GALNT18: variants seen among roughly 807,000 people sequenced by gnomAD.
The protein encoded by GALNT18 is polypeptide N-acetylgalactosaminyltransferase 18, also known as GalNAc-transferase 18.
GALNT18 carries 44 observed loss-of-function variants against 69.5 expected under a neutral mutation model. The ratio of observed to expected loss-of-function variants is 0.63; its 90% confidence interval spans 0.50 to 0.81. GALNT18 has a LOEUF of 0.81. Among genes scored for constraint, GALNT18 ranks in the 40% least tolerant of loss-of-function variants. GALNT18 has a pLI of 0.00. For missense variants in GALNT18, 715 were observed against 810.0 expected, an observed-to-expected ratio of 0.88 and a Z score of 1.42; for synonymous variants, 364 against 318.2, an observed-to-expected ratio of 1.14 and a Z score of -1.53.
intron 3 of GALNT18, among the ~76,000 whole-genome samples, chr11:11,390,940 C>T (rs1465863184): frequency 1.3e-5 from 2 of 152,218 alleles, no homozygotes; most frequent in Non-Finnish European, 2.9e-5. Context: ...CTATTTGGGT[C>T]GCTGTGGAAA....
Position 11,596,002 on chromosome 11 carries a change from G to A in GALNT18, c.235+25357C>T, listed in dbSNP as rs1859490421. 6.6e-6 allele frequency among the ~76,000 whole-genome samples: 1 copy of A among 152,038 alleles called. No individual in the cohort carries two copies. On this transcript the variant is annotated intron_variant, in intron 1 of 10. Coordinates refer to ENST00000227756, the MANE Select transcript of GALNT18 (RefSeq NM_198516.3). The surrounding 1 kb of genome is among the most constrained non-coding windows in gnomAD (Gnocchi z 4.2). Reference sequence around the variant, plus strand: ...AAGATTTAGGTTTGTCTTCTTCTAAGAGTTCTATGATTTTATCTCTTATAT... The same window carrying A: ...AAGATTTAGGTTTGTCTTCTTCTAAAAGTTCTATGATTTTATCTCTTATAT...
At chr11:11,406,357 C>T (rs1186401670) in intron 3 of GALNT18, among the ~76,000 whole-genome samples, 1 of 152,130 alleles carries the variant, frequency 6.6e-6, no homozygotes, top group Non-Finnish European at 1.5e-5. Context: ...TTTATTGTAC[C>T]TTTTCTGGTT....
At chr11:11,544,430 T>C (rs1857999219) in intron 1 of GALNT18, among the ~76,000 whole-genome samples, 1 of 152,264 alleles carries the variant, frequency 6.6e-6, no homozygotes, top group Admixed American at 6.5e-5. Flanking sequence ...ATATAATTTG[T>C]TTATTCAAAC....
intron 1 of GALNT18, among the ~76,000 whole-genome samples, chr11:11,481,889 T>C (rs1027096568): frequency 9.2e-5 from 14 of 152,172 alleles, no homozygotes; most frequent in Non-Finnish European, 2.1e-4. Context: ...TCAGGCCCCA[T>C]AGTATTGTTG....
At position 11,435,764 on chromosome 11, in the gene GALNT18, C is replaced by G. The variant is rs1402629969; in HGVS notation, c.429-2977G>C. Among the ~76,000 whole-genome samples, 1 of 152,142 alleles carries G rather than the reference C, an allele frequency of 6.6e-6. No homozygotes were observed. Among genetic ancestry groups the G allele is most frequent in the Non-Finnish European group, 1.5e-5 (1 of 68,036 alleles). On this transcript the variant is annotated intron_variant, in intron 2 of 10. Coordinates refer to ENST00000227756, the MANE Select transcript of GALNT18 (RefSeq NM_198516.3). The surrounding 1 kb of genome is among the most constrained non-coding windows in gnomAD (Gnocchi z 4.4). ...TGCTCCTTTTTCTTACAAACCTCCT[C>G]CCTTGGAAGGAGAGTCAGGTCCCGG...
rs571682253 is a variant in GALNT18, at chr11:11,377,187, T to C, written c.972A>G (p.Pro324=). The C allele has an allele frequency of 6.2e-7, 1 of 1,612,854 alleles. No homozygotes were observed. The highest frequency in any genetic ancestry group is 1.1e-5 in the South Asian group (1 of 91,010). The change falls in exon 5 of 11, where the codon CCA becomes CCG. Residue 324 remains proline (P), a synonymous_variant. Coordinates refer to ENST00000227756, the MANE Select transcript of GALNT18 (RefSeq NM_198516.3). This position sits in a 1 kb window ranked among gnomAD's most constrained non-coding sequence, Gnocchi z 4.6. The part of the protein sequence containing the change: ...AWWKLENSTA[P]IRSPALIGCF... The stretch of plus-strand genomic sequence containing the variant: ...CAGGTAAAGGTTTGCTTTACCTGAT[T>C]GGCGCTGTGGAGTTCTCCAGCTTCC...
chr11:11,459,808 G>C lies in GALNT18; in HGVS notation c.236-10872C>G, dbSNP rs1328066233. On this transcript the variant is annotated intron_variant, in intron 1 of 10. Coordinates refer to ENST00000227756, the MANE Select transcript of GALNT18 (RefSeq NM_198516.3). This position sits in a 1 kb window ranked among gnomAD's most constrained non-coding sequence, Gnocchi z 5.0. Reference sequence around the variant, plus strand: ...GCAAAAACCACAAACTTAGTAGCTTGACAATGCAGACATGCTATCTTACAG... The same window carrying C: ...GCAAAAACCACAAACTTAGTAGCTTCACAATGCAGACATGCTATCTTACAG... 6.6e-6 allele frequency among the ~76,000 whole-genome samples: 1 copy of C among 152,214 alleles called. No homozygotes were observed. The highest frequency in any genetic ancestry group is 2.4e-5 in the African/African-American group (1 of 41,454).
In GALNT18 at chr11:11,452,615, G is replaced by A. The variant is rs1024064412; in HGVS notation, c.236-3679C>T. Among the ~76,000 whole-genome samples, 3 of 152,222 alleles carry A rather than the reference G, an allele frequency of 2.0e-5. No homozygotes were observed. In the South Asian group the frequency reaches 6.2e-4, roughly 31 times the overall value. ...CCTGGACTCCACTCCCGTCTCCAGT[G>A]AGAAAGCAGGCCTACATGGTCATCC... is the stretch of plus-strand genomic sequence containing the variant. On this transcript the variant is annotated intron_variant, in intron 1 of 10. Coordinates refer to ENST00000227756, the MANE Select transcript of GALNT18 (RefSeq NM_198516.3).
intron 1 of GALNT18, among the ~76,000 whole-genome samples, chr11:11,452,968 CAG>C (rs1257088975): frequency 6.6e-6 from 1 of 152,168 alleles, no homozygotes; most frequent in Admixed American, 6.5e-5. Context: ...GCTGCAAAGC[CAG>C]AGAGTGTGAA....
Position 11,448,927 on chromosome 11 carries a change from G to A in GALNT18, c.245C>T (p.Ala82Val), listed in dbSNP as rs1224353555. The change falls in exon 2 of 11, where the codon GCC (alanine) becomes GTC (valine). Residue 82 changes from alanine to valine, a missense_variant. Ala to Val is a moderately conservative substitution (Grantham distance 64, BLOSUM62 0). Transcript: ENST00000227756. ...CTCGGCCTCTGCCTCCTCAGGCTTG[G>A]CAGGAGCCTCTGGAGAAAGAAGGAA... ...VIKQHIQEAP[A>V]KPEEAEAEPF... 3.8e-6 allele frequency: 6 copies of A among 1,586,506 alleles called. No individual in the cohort carries two copies. In the African/African-American group the frequency reaches 8.1e-5, roughly 21 times the overall value.
chr11:11,589,050 T>C (rs927578839), intron 1 of GALNT18, among the ~76,000 whole-genome samples: 1 of 152,188 alleles, frequency 6.6e-6, no homozygotes, highest in African/African-American at 2.4e-5. Context: ...TAGAATCACC[T>C]TCCCAACTGA....
Position 11,415,646 on chromosome 11 carries a change from A to G in GALNT18, c.595+16975T>C, listed in dbSNP as rs1160188021. On this transcript the variant is annotated intron_variant, in intron 3 of 10. Coordinates refer to ENST00000227756, the MANE Select transcript of GALNT18 (RefSeq NM_198516.3). The surrounding 1 kb of genome is among the most constrained non-coding windows in gnomAD (Gnocchi z 4.1). ...GGTGACTCAGCTCCTATGGTTCTCA[A>G]TCCCTTCATCTAAAGTGGGCATAAA... Among the ~76,000 whole-genome samples the G allele has an allele frequency of 2.0e-5, 3 of 152,146 alleles. No individual in the cohort carries two copies. In the East Asian group the frequency reaches 5.8e-4, roughly 29 times the overall value.
intron 1 of GALNT18, among the ~76,000 whole-genome samples, chr11:11,566,328 ACTTT>A (rs1439471576): frequency 6.6e-6 from 1 of 152,208 alleles, no homozygotes. Flanking sequence ...CTCCAATAAA[ACTTT>A]ATTTATGAAA....
intron 6 of GALNT18, among the ~76,000 whole-genome samples, chr11:11,364,757 G>A (rs1048475671): frequency 6.6e-6 from 1 of 152,136 alleles, no homozygotes; most frequent in Non-Finnish European, 1.5e-5. Context: ...TAGCATTGTG[G>A]CCATGGTTCT....
At chr11:11,521,716 T>C (rs1038239763) in intron 1 of GALNT18, among the ~76,000 whole-genome samples, 11 of 152,074 alleles carry the variant, frequency 7.2e-5, no homozygotes, top group African/African-American at 2.7e-4. Flanking sequence ...TACAGTACAA[T>C]GACAGTCACT....
intron 9 of GALNT18, among the ~76,000 whole-genome samples, chr11:11,306,939 G>A (rs1849589102): frequency 6.6e-6 from 1 of 152,322 alleles, no homozygotes; most frequent in Non-Finnish European, 1.5e-5. Flanking sequence ...ATTGGTGCTG[G>A]CCTTCTCTTG....
Position 11,436,564 on chromosome 11 carries a change from G to A in GALNT18, c.429-3777C>T, listed in dbSNP as rs1855407172. On this transcript the variant is annotated intron_variant, in intron 2 of 10. Transcript: ENST00000227756. This position sits in a 1 kb window ranked among gnomAD's most constrained non-coding sequence, Gnocchi z 4.5. ...GCCTCACACCATGATGCAAGCAGCA[G>A]GTCTTCCATTGGTGTTTGTTGAATA... Among the ~76,000 whole-genome samples the A allele has an allele frequency of 6.6e-6, 1 of 152,146 alleles. No homozygotes were observed. Among genetic ancestry groups the A allele is most frequent in the Non-Finnish European group, 1.5e-5 (1 of 68,036 alleles).
At chr11:11,375,900 C>T (rs191999454) in intron 5 of GALNT18, among the ~76,000 whole-genome samples, 1 of 152,280 alleles carries the variant, frequency 6.6e-6, no homozygotes, top group East Asian at 1.9e-4. Context: ...AAAATGTGAT[C>T]TTAAGTAATA....
At chr11:11,537,270 A>G (rs1857800995) in intron 1 of GALNT18, among the ~76,000 whole-genome samples, 1 of 151,844 alleles carries the variant, frequency 6.6e-6, no homozygotes, top group Non-Finnish European at 1.5e-5. Context: ...GTGCTACCCT[A>G]CTCTGTATTT....
Sources: allele counts gnomAD v4.1 joint callset (sites outside exome capture counted in the v4.1 genomes callset), GRCh38; gene constraint gnomAD v4.1.1; non-coding constraint Gnocchi (gnomAD v3.1); transcripts MANE v1.5; gene names NCBI Gene and HGNC (gene_info 2026-07-23, HGNC 2026-07-21).